IQGAP1: variants seen among roughly 807,000 people sequenced by gnomAD.
IQGAP1 encodes the protein IQ motif containing GTPase activating protein 1, also known as ras GTPase-activating-like protein IQGAP1.
IQGAP1 carries 66 observed loss-of-function variants against 215.6 expected under a neutral mutation model. The ratio of observed to expected loss-of-function variants is 0.31; its 90% confidence interval spans 0.25 to 0.38. IQGAP1 has a LOEUF of 0.38. Among genes scored for constraint, IQGAP1 ranks in the 10% least tolerant of loss-of-function variants. The pLI is 1.00. For synonymous variants in IQGAP1, 772 were observed against 728.7 expected, an observed-to-expected ratio of 1.06 and a Z score of -0.96; for missense variants, 1,712 against 1,997.1, an observed-to-expected ratio of 0.86 and a Z score of 2.72.
At chr15:90,482,670 T>C in intron 28 of IQGAP1, 1 of 882,556 alleles carries the variant, frequency 1.1e-6, no homozygotes, top group Non-Finnish European at 1.4e-6. Context: ...TTTTTTTTTT[T>C]AATCTGAATG....
intron 13 of IQGAP1, among the ~76,000 whole-genome samples, chr15:90,453,566 CTAGTTCATT>C (rs1413769592): frequency 1.3e-5 from 2 of 152,188 alleles, no homozygotes; most frequent in Non-Finnish European, 2.9e-5. Context: ...CTAACCCTAG[CTAGTTCATT>C]TTCATTCTTC....
At chr15:90,470,212 C>G (rs1965886851) in intron 18 of IQGAP1, among the ~76,000 whole-genome samples, 1 of 152,186 alleles carries the variant, frequency 6.6e-6, no homozygotes, top group Non-Finnish European at 1.5e-5. Context: ...CCACTCTGTA[C>G]TTTGAACTTA....
chr15:90,449,995 T>C (rs1965578906), intron 11 of IQGAP1, among the ~76,000 whole-genome samples: 1 of 152,252 alleles, frequency 6.6e-6, no homozygotes, highest in South Asian at 2.1e-4. Flanking sequence ...ATTTATCTTT[T>C]GTTGATGTTG....
At chr15:90,439,535 C>G in intron 6 of IQGAP1, 136 bp downstream of exon 6, 2 of 584,044 alleles carry the variant, frequency 3.4e-6, no homozygotes, top group Non-Finnish European at 6.1e-6. Flanking sequence ...GAATAACTTG[C>G]TTCTCTAATG....
intron 2 of IQGAP1, among the ~76,000 whole-genome samples, chr15:90,406,771 A>C (rs1031638547): frequency 4.6e-5 from 7 of 152,210 alleles, no homozygotes; most frequent in Non-Finnish European, 1.0e-4. Context: ...TGTACCGTGA[A>C]TCTAATAATG....
Position 90,441,065 on chromosome 15 carries a change from C to A in IQGAP1, c.650-441C>A, listed in dbSNP as rs149415859. 5.9e-5 allele frequency among the ~76,000 whole-genome samples: 9 copies of A among 151,918 alleles called. No individual in the cohort carries two copies. In the East Asian group the frequency reaches 1.5e-3, roughly 26 times the overall value. On this transcript the variant is annotated intron_variant, in intron 7 of 37. Transcript: ENST00000268182. ...GAGGTTGCAGTGAGCCGAGATCATGCCATTGCACTCCAGACTGGGCAACAA... is the reference window on the plus strand; with the variant it reads ...GAGGTTGCAGTGAGCCGAGATCATGACATTGCACTCCAGACTGGGCAACAA...
At chr15:90,392,624 C>A (rs1438323986) in intron 2 of IQGAP1, among the ~76,000 whole-genome samples, 1 of 152,136 alleles carries the variant, frequency 6.6e-6, no homozygotes, top group Non-Finnish European at 1.5e-5. Context: ...CACCTCCCCT[C>A]CCCCAAACAC....
chr15:90,444,279 GTATA>G (rs369131749), intron 9 of IQGAP1, among the ~76,000 whole-genome samples: 18 of 72,976 alleles, frequency 2.5e-4, no homozygotes, highest in African/African-American at 1.0e-3. Context: ...GTGTGTGTGT[GTATA>G]TATATATTTT....
chr15:90,495,104 A>T (rs1966254016), intron 36 of IQGAP1, among the ~76,000 whole-genome samples: 1 of 152,246 alleles, frequency 6.6e-6, no homozygotes. Flanking sequence ...GCAGGAAGCC[A>T]TTCCTTGGAT....
chr15:90,482,376 G>T, intron 28 of IQGAP1, 95 bp downstream of exon 28: 1 of 1,132,172 alleles, frequency 8.8e-7, no homozygotes, highest in East Asian at 2.4e-5. Context: ...CTAAGTGTAG[G>T]TTCTGGCAGT....
At chr15:90,462,058 C>G (rs565109893) in intron 15 of IQGAP1, among the ~76,000 whole-genome samples, 40 of 151,712 alleles carry the variant, frequency 2.6e-4, no homozygotes, top group Non-Finnish European at 7.4e-5. Context: ...GTCCCAGCTA[C>G]TCGGGAGGCT....
At chr15:90,489,991 G>A (rs769970146) in intron 33 of IQGAP1, among the ~76,000 whole-genome samples, 2 of 152,226 alleles carry the variant, frequency 1.3e-5, no homozygotes, top group Non-Finnish European at 2.9e-5. Flanking sequence ...ACCGGAGGTG[G>A]ATCCAGTTCT....
At chr15:90,417,335 T>G (rs921203568) in intron 2 of IQGAP1, among the ~76,000 whole-genome samples, 6 of 152,184 alleles carry the variant, frequency 3.9e-5, no homozygotes, top group African/African-American at 1.2e-4. Flanking sequence ...GTTTTTATGG[T>G]TTTAGGTCTA....
At chr15:90,432,097 T>C (rs894427148) in intron 4 of IQGAP1, among the ~76,000 whole-genome samples, 3 of 152,210 alleles carry the variant, frequency 2.0e-5, no homozygotes, top group Non-Finnish European at 4.4e-5. Flanking sequence ...CAAGACTTGC[T>C]GACATAAGAT....
chr15:90,452,707 G>T (rs1462126738), intron 11 of IQGAP1, 68 bp from the exon 12 acceptor site: 3 of 1,516,246 alleles, frequency 2.0e-6, no homozygotes, highest in East Asian at 4.5e-5. Flanking sequence ...TTCCCATGAA[G>T]ATTGGCACCT....
chr15:90,475,738 G>A (rs1419704823), intron 23 of IQGAP1: 2 of 129,968 alleles, frequency 1.5e-5, no homozygotes, highest in Non-Finnish European at 3.1e-5. Flanking sequence ...GGGTGACAGA[G>A]TGAAACTCTA....
rs1041854573 is a variant in IQGAP1, at chr15:90,484,076, C to T, written c.3789-144C>T. On this transcript the variant is annotated intron_variant, in intron 29 of 37. Transcript: ENST00000268182. ...ACCACTATCCCAAGGTTGTCAAGCA[C>T]AGCAAACACACAGCACTTTCTCTTG... 5.6e-6 allele frequency: 4 copies of T among 720,354 alleles called. No individual in the cohort carries two copies. In the Admixed American group the frequency reaches 1.0e-4, roughly 19 times the overall value. The allele number at this position is 720,354 out of a possible 1,614,324, so 44.6% of individuals were successfully genotyped here.
chr15:90,449,455 A>G (rs2301829), intron 10 of IQGAP1, 104 bp from the exon 11 acceptor site: 169,970 of 907,630 alleles, frequency 0.19, 16,414 homozygotes, highest in South Asian at 0.23. Context: ...ACTTATGACT[A>G]TGGCTCTCTC....
At chr15:90,440,370 C>T (rs1965431332) in intron 6 of IQGAP1, 132 bp from the exon 7 acceptor site, 3 of 639,782 alleles carry the variant, frequency 4.7e-6, no homozygotes, top group Non-Finnish European at 8.4e-6. Flanking sequence ...TACATTGTAT[C>T]TTTATATCCT....
Sources: allele counts gnomAD v4.1 joint callset (sites outside exome capture counted in the v4.1 genomes callset), GRCh38; gene constraint gnomAD v4.1.1; transcripts MANE v1.5; gene names NCBI Gene and HGNC (gene_info 2026-07-23, HGNC 2026-07-21).